The following CENPC variants were observed in gnomAD, a reference collection of about 807,000 sequenced individuals.
CENPC encodes the protein centromere protein C, also known as CENP-C 1.
A neutral mutation model predicts 112.1 loss-of-function variants in CENPC; 63 were observed. The ratio of observed to expected loss-of-function variants is 0.56; its 90% CI spans 0.46 to 0.69. The LOEUF (loss-of-function observed/expected upper bound fraction) is 0.69, where lower values mean the gene tolerates loss of function less well. Ranked by LOEUF, CENPC falls within the 30% of genes least tolerant of loss-of-function variation. CENPC has a pLI of 0.00. For synonymous variants in CENPC, 333 were observed against 367.6 expected, an observed-to-expected ratio of 0.91 and a Z score of 1.08; for missense variants, 1,000 against 1,103.8, an observed-to-expected ratio of 0.91 and a Z score of 1.33.
In CENPC at chr4:67,514,127, T is replaced by C; in HGVS notation, c.1391A>G (p.Glu464Gly). ...FQRNSDRNME[E>G]HEEMGNDCVS... is the part of the protein sequence containing the mutation. ...ACAATCATTTCCCATCTCTTCATGC[T>C]CTTCCATATTTCTGTCTGAATTTCT... is the stretch of plus-strand genomic sequence containing the variant. The change falls in exon 8 of 19, where the codon GAG (glutamate) becomes GGG (glycine). Residue 464 changes from glutamate to glycine, a missense_variant. Transcript: ENST00000273853. The C allele has an allele frequency of 6.2e-7, 1 of 1,609,506 alleles. No individual in the cohort carries two copies. Among genetic ancestry groups the C allele is most frequent in the Non-Finnish European group, 8.5e-7 (1 of 1,178,428 alleles).
At chr4:67,544,254 T>C (rs972456705) in intron 1 of CENPC, 59 bp from the exon 2 acceptor site, 52 of 944,284 alleles carry the variant, frequency 5.5e-5, no homozygotes, top group Non-Finnish European at 8.5e-5. Flanking sequence ...GTAAAATTTA[T>C]TTTCAAAGTA....
chr4:67,484,736 C>T (rs1365856960), intron 17 of CENPC, among the ~76,000 whole-genome samples: 1 of 152,106 alleles, frequency 6.6e-6, no homozygotes, highest in Non-Finnish European at 1.5e-5. Context: ...TTTTGTTTTT[C>T]CTTATTACTT....
At chr4:67,529,826 G>C (rs1222898814) in intron 5 of CENPC, among the ~76,000 whole-genome samples, 1 of 152,094 alleles carries the variant, frequency 6.6e-6, no homozygotes, top group African/African-American at 2.4e-5. Flanking sequence ...GAATAGTGAA[G>C]GTATTTATAT....
intron 4 of CENPC, among the ~76,000 whole-genome samples, chr4:67,533,206 C>T (rs184585356): frequency 2.0e-5 from 3 of 152,186 alleles, no homozygotes; most frequent in Non-Finnish European, 4.4e-5. Context: ...ATGCTATTCT[C>T]GTGATAGTGA....
intron 8 of CENPC, 123 bp downstream of exon 8, chr4:67,513,951 G>A: frequency 1.2e-6 from 1 of 831,892 alleles, no homozygotes; most frequent in Non-Finnish European, 1.7e-6. Context: ...AGAACCTATA[G>A]GCTTTTCAGG....
At chr4:67,503,802 A>C (rs1725659739) in intron 12 of CENPC, among the ~76,000 whole-genome samples, 1 of 152,102 alleles carries the variant, frequency 6.6e-6, no homozygotes, top group Non-Finnish European at 1.5e-5. Flanking sequence ...AAAAAAACTT[A>C]CTGAATTCAA....
intron 4 of CENPC, 120 bp downstream of exon 4, chr4:67,539,720 G>C: frequency 1.9e-6 from 1 of 531,260 alleles, no homozygotes. Context: ...AAGTCAATGG[G>C]AATATAGAAT....
intron 5 of CENPC, among the ~76,000 whole-genome samples, chr4:67,527,700 T>C (rs1726425424): frequency 6.6e-6 from 1 of 152,048 alleles, no homozygotes; most frequent in Admixed American, 6.6e-5. Context: ...AAGTTCTCAC[T>C]ACGTTGCCTA....
chr4:67,482,407 C>T (rs560258975), intron 17 of CENPC, among the ~76,000 whole-genome samples: 10 of 152,262 alleles, frequency 6.6e-5, no homozygotes, highest in African/African-American at 2.4e-4. Flanking sequence ...GGTACCTACT[C>T]AGAAGAAAAG....
chr4:67,496,037 A>C (rs1725422999), intron 12 of CENPC, among the ~76,000 whole-genome samples: 1 of 152,178 alleles, frequency 6.6e-6, no homozygotes, highest in African/African-American at 2.4e-5. Flanking sequence ...GTCCTAATAC[A>C]ATCTACAGGT....
chr4:67,527,493 CTTTTTTTTTTTTTT>C (rs11317672), intron 5 of CENPC, among the ~76,000 whole-genome samples: 6 of 68,120 alleles, frequency 8.8e-5, no homozygotes, highest in African/African-American at 2.9e-4. Flanking sequence ...TCACCCCATC[CTTTTTTTTTTTTTT>C]TTTTTTTTTT....
rs745330074 is a variant in CENPC at position 67,541,011 on chromosome 4, C to T, written c.105G>A (p.Leu35=). ...DINTEQGQNV[L]EILQDCFEEK... The stretch of plus-strand genomic sequence containing the variant: ...CTTCAAAACAGTCTTGTAAGATTTC[C>T]AGAACATTCTGGCCTTGCTCTGTGT... The change falls in exon 3 of 19, where the codon CTG becomes CTA. Residue 35 remains leucine (L), a synonymous_variant. Coordinates refer to ENST00000273853, the MANE Select transcript of CENPC (RefSeq NM_001812.4). 6.2e-7 allele frequency: 1 copy of T among 1,609,790 alleles called. No homozygotes were observed. The highest frequency in any genetic ancestry group is 8.5e-7 in the Non-Finnish European group (1 of 1,177,994).
chr4:67,505,058 G>A, intron 12 of CENPC, 147 bp downstream of exon 12: 1 of 618,268 alleles, frequency 1.6e-6, no homozygotes, highest in Non-Finnish European at 2.9e-6. Context: ...TTAGGTACAG[G>A]GTCTTATTAA....
At chr4:67,473,989 A>G (rs1303054918) in intron 18 of CENPC, among the ~76,000 whole-genome samples, 1 of 152,234 alleles carries the variant, frequency 6.6e-6, no homozygotes, top group East Asian at 1.9e-4. Flanking sequence ...CTAAAAACAT[A>G]ATTTCTTAGA....
intron 17 of CENPC, among the ~76,000 whole-genome samples, chr4:67,478,888 G>T (rs1724880321): frequency 6.6e-6 from 1 of 152,122 alleles, no homozygotes; most frequent in African/African-American, 2.4e-5. Context: ...GATATTCCAT[G>T]CAAATGGATA....
In CENPC at chr4:67,514,561, T is replaced by C. The variant is rs763777506; in HGVS notation, c.957A>G (p.Thr319=). 1 of 1,611,552 alleles carries C rather than the reference T, an allele frequency of 6.2e-7. No individual in the cohort carries two copies. Among genetic ancestry groups the C allele is most frequent in the East Asian group, 2.2e-5 (1 of 44,712 alleles). The change falls in exon 8 of 19, where the codon ACA becomes ACG. Residue 319 remains threonine, a synonymous_variant. Coordinates refer to ENST00000273853, the MANE Select transcript of CENPC (RefSeq NM_001812.4). ...TCAGAGACCCTGCCTTTCTTGGTATTGTAATCCAAGATCTACTGGCAAAAC... is the reference window on the plus strand; with the variant it reads ...TCAGAGACCCTGCCTTTCTTGGTATCGTAATCCAAGATCTACTGGCAAAAC... ...DQSFASRSWI[T]IPRKAGSLKQ... is the part of the protein sequence containing the mutation.
chr4:67,514,540 A>G lies in CENPC; in HGVS notation c.978T>C (p.Ser326=). The change falls in exon 8 of 19, where the codon TCT becomes TCC. Residue 326 remains serine (S), a synonymous_variant. Transcript: ENST00000273853. ...SWITIPRKAG[S]LKQRTISPAE... Reference sequence around the variant, plus strand: ...CCGGGGATATTGTGCGTTGTTTCAGAGACCCTGCCTTTCTTGGTATTGTAA... The same window carrying G: ...CCGGGGATATTGTGCGTTGTTTCAGGGACCCTGCCTTTCTTGGTATTGTAA... 1.2e-6 allele frequency: 2 copies of G among 1,612,630 alleles called. No individual in the cohort carries two copies. The highest frequency in any genetic ancestry group is 1.7e-6 in the Non-Finnish European group (2 of 1,179,308).
chr4:67,532,198 C>T (rs1419831981), intron 4 of CENPC, among the ~76,000 whole-genome samples: 1 of 152,150 alleles, frequency 6.6e-6, no homozygotes, highest in East Asian at 1.9e-4. Context: ...CATAATGAGA[C>T]ACTATTTCAC....
At chr4:67,509,866 C>G (rs1159504340) in intron 9 of CENPC, among the ~76,000 whole-genome samples, 1 of 152,150 alleles carries the variant, frequency 6.6e-6, no homozygotes, top group African/African-American at 2.4e-5. Context: ...CATTACAACT[C>G]TGCTTAATTA....
Sources: gnomAD v4.1 joint callset for allele counts (sites outside exome capture counted in the v4.1 genomes callset) on GRCh38, gnomAD v4.1.1 for gene constraint, MANE v1.5 for transcripts, NCBI Gene and HGNC (gene_info 2026-07-23, HGNC 2026-07-21) for gene names.